The following GRIK1 variants were observed in gnomAD, a reference collection of about 807,000 sequenced individuals.
The protein encoded by GRIK1 is glutamate ionotropic receptor kainate type subunit 1.
A neutral mutation model predicts 105.7 loss-of-function variants in GRIK1; 69 were observed. The ratio of observed to expected loss-of-function variants is 0.65; its 90% CI spans 0.54 to 0.80. GRIK1 has a LOEUF of 0.80. Ranked by LOEUF, GRIK1 falls within the 30% of genes least tolerant of loss-of-function variation. GRIK1 has a pLI of 0.00. For synonymous variants in GRIK1, 438 were observed against 431.3 expected (o/e 1.02, Z -0.19); for missense variants, 1,109 against 1,167.3 (o/e 0.95, Z 0.73).
At chr21:29,898,999 A>G (rs2070286260) in intron 1 of GRIK1, among the ~76,000 whole-genome samples, 1 of 152,038 alleles carries the variant, frequency 6.6e-6, no homozygotes, top group South Asian at 2.1e-4. Context: ...GAAAACATCT[A>G]CTTATATAAT....
intron 1 of GRIK1, among the ~76,000 whole-genome samples, chr21:29,737,809 G>C (rs1301776207): frequency 1.3e-5 from 2 of 152,210 alleles, no homozygotes; most frequent in Non-Finnish European, 2.9e-5. Flanking sequence ...TTGATGCAAT[G>C]AACAAATATT....
chr21:29,796,047 C>T (rs1289307961), intron 1 of GRIK1, among the ~76,000 whole-genome samples: 2 of 152,126 alleles, frequency 1.3e-5, no homozygotes, highest in Non-Finnish European at 2.9e-5. Context: ...TAATTCTTAG[C>T]TTTGTCTCTT....
chr21:29,807,921 T>C (rs1403990173), intron 1 of GRIK1, among the ~76,000 whole-genome samples: 2 of 152,132 alleles, frequency 1.3e-5, no homozygotes, highest in Non-Finnish European at 2.9e-5. Context: ...CATGGTGATA[T>C]GCACTGGTAT....
chr21:29,569,455 A>T (rs1438406331), intron 14 of GRIK1, among the ~76,000 whole-genome samples: 1 of 152,196 alleles, frequency 6.6e-6, no homozygotes, highest in African/African-American at 2.4e-5. Flanking sequence ...TACATAACTT[A>T]TATGTAGTAG....
chr21:29,882,007 C>T (rs886528140), intron 1 of GRIK1, among the ~76,000 whole-genome samples: 1 of 152,000 alleles, frequency 6.6e-6, no homozygotes, highest in African/African-American at 2.4e-5. Flanking sequence ...TCATGGGATT[C>T]GTAGAACAGA....
At position 29,706,167 on chromosome 21, in the gene GRIK1, C is replaced by T. The variant is rs116123317; in HGVS notation, c.119-12104G>A. Among the ~76,000 whole-genome samples the T allele has an allele frequency of 8.7e-3, 1,322 of 152,246 alleles. 17 individuals are homozygous for T. The highest frequency in any genetic ancestry group is 0.031 in the African/African-American group (1,271 of 41,546). ...GGGATTACAGGCATGAGCCACCATG[C>T]GTGGCCTCTTCTTTTTCTTCCTTAA... On this transcript the variant is annotated intron_variant, in intron 1 of 17. Transcript: ENST00000327783.
intron 1 of GRIK1, among the ~76,000 whole-genome samples, chr21:29,694,782 G>A (rs2063662822): frequency 6.6e-6 from 1 of 152,136 alleles, no homozygotes; most frequent in African/African-American, 2.4e-5. Context: ...CTATTCAGAA[G>A]CCTACATTCC....
chr21:29,811,871 T>C (rs1364402985), intron 1 of GRIK1, among the ~76,000 whole-genome samples: 1 of 152,186 alleles, frequency 6.6e-6, no homozygotes, highest in African/African-American at 2.4e-5. Flanking sequence ...CCTCTCGGCT[T>C]TTCTATTTGC....
chr21:29,888,236 T>C (rs141074926), intron 1 of GRIK1, among the ~76,000 whole-genome samples: 1 of 117,142 alleles, frequency 8.5e-6, no homozygotes, highest in Non-Finnish European at 1.9e-5. Context: ...TCTCTCTCCT[T>C]CCTTCCTTCC....
rs540710776 is a variant in GRIK1, at chr21:29,887,522, GC to G, written c.118+51860del. ...TGTTAGCACACCTCTATCTACCATTGCAAGGGTATCAGAACTGTGCTAGACT... is the reference window on the plus strand; with the variant it reads ...TGTTAGCACACCTCTATCTACCATTGAAGGGTATCAGAACTGTGCTAGACT... On this transcript the variant is annotated intron_variant, in intron 1 of 17. Transcript: ENST00000327783. Among the ~76,000 whole-genome samples, 781 of 152,258 alleles carry G rather than the reference GC, an allele frequency of 5.1e-3. 4 individuals carry two copies. The highest frequency in any genetic ancestry group is 7.8e-3 in the Non-Finnish European group (529 of 68,016).
chr21:29,810,355 A>G (rs1359522939), intron 1 of GRIK1, among the ~76,000 whole-genome samples: 2 of 152,006 alleles, frequency 1.3e-5, no homozygotes, highest in Non-Finnish European at 2.9e-5. Flanking sequence ...AAACTGAAAT[A>G]TTTCAAGAAT....
At chr21:29,871,637 G>A (rs903354962) in intron 1 of GRIK1, among the ~76,000 whole-genome samples, 1 of 151,728 alleles carries the variant, frequency 6.6e-6, no homozygotes, top group Non-Finnish European at 1.5e-5. Context: ...CTGTTGTAAA[G>A]GAGGGAAAAA....
chr21:29,645,353 A>G (rs937007894), intron 6 of GRIK1, among the ~76,000 whole-genome samples: 12 of 152,312 alleles, frequency 7.9e-5, no homozygotes, highest in African/African-American at 2.2e-4. Context: ...AATAGGATAT[A>G]CTTTTTTGAA....
chr21:29,598,919 T>G lies in GRIK1; in HGVS notation c.1117A>C (p.Thr373Pro). 1 of 1,579,074 alleles carries G rather than the reference T, an allele frequency of 6.3e-7. No homozygotes were observed. The highest frequency in any genetic ancestry group is 8.7e-7 in the Non-Finnish European group (1 of 1,152,866). The change falls in exon 8 of 18, where the codon ACT becomes CCT. Residue 373 changes from threonine (T) to proline (P), a missense_variant. By Grantham distance (38) the Thr-to-Pro change is conservative. This residue lies in a region of GRIK1 where 612 missense variants were observed against 586.0 expected (regional missense o/e 1.04). Coordinates refer to ENST00000327783, the MANE Select transcript of GRIK1 (RefSeq NM_001330994.2). ...GTTTTATTAAAGGTGATATGCCCAG[T>G]CAAGCCATCCCACCGGGCCTGTGGA... ...LIKEARWDGL[T>P]GHITFNKTNG...
At chr21:29,655,207 G>A (rs921973722) in intron 4 of GRIK1, among the ~76,000 whole-genome samples, 13 of 152,174 alleles carry the variant, frequency 8.5e-5, no homozygotes, top group Admixed American at 3.3e-4. Context: ...TCAGGAGTTC[G>A]AGACCAGCCT....
In GRIK1 at chr21:29,825,835, G is replaced by T. The variant is rs759069183; in HGVS notation, c.118+113548C>A. 2.6e-5 allele frequency among the ~76,000 whole-genome samples: 4 copies of T among 152,136 alleles called. No homozygotes were observed. The East Asian group carries it at 7.7e-4, about 29-fold the overall frequency. ...CACAGGCAGTCAGATTCTGGATCAC[G>T]ATGATTGTTTAGAAACCAGAATTGT... is the stretch of plus-strand genomic sequence containing the variant. On this transcript the variant is annotated intron_variant, in intron 1 of 17. Coordinates refer to ENST00000327783, the MANE Select transcript of GRIK1 (RefSeq NM_001330994.2).
At position 29,614,846 on chromosome 21, in the gene GRIK1, G is replaced by A. The variant is rs568286568; in HGVS notation, c.1099-15909C>T. Among the ~76,000 whole-genome samples the A allele has an allele frequency of 3.3e-5, 5 of 151,562 alleles. No individual in the cohort carries two copies. The East Asian group carries it at 9.6e-4, about 29-fold the overall frequency. Reference sequence around the variant, plus strand: ...CTATGTAGATGCTTCCCCAGACTTTGTGCACATAATAATTCACGAATTTGT... The same window carrying A: ...CTATGTAGATGCTTCCCCAGACTTTATGCACATAATAATTCACGAATTTGT... On this transcript the variant is annotated intron_variant, in intron 7 of 17. Coordinates refer to ENST00000327783, the MANE Select transcript of GRIK1 (RefSeq NM_001330994.2).
intron 4 of GRIK1, among the ~76,000 whole-genome samples, chr21:29,662,081 G>C (rs942074324): frequency 6.6e-6 from 1 of 152,224 alleles, no homozygotes; most frequent in Admixed American, 6.5e-5. Flanking sequence ...GTTCTTCTCA[G>C]TGTTAACTCC....
chr21:29,627,284 C>T (rs1029890433), intron 7 of GRIK1, among the ~76,000 whole-genome samples: 4 of 152,088 alleles, frequency 2.6e-5, no homozygotes, highest in African/African-American at 9.7e-5. Context: ...CGTTTGAATT[C>T]CATTACTAGC....
Sources: allele counts gnomAD v4.1 joint callset (sites outside exome capture counted in the v4.1 genomes callset), GRCh38; gene constraint gnomAD v4.1.1; regional missense constraint gnomAD v4.1.1; transcripts MANE v1.5; gene names NCBI Gene and HGNC (gene_info 2026-07-23, HGNC 2026-07-21).